The following SELENOO variants were observed in gnomAD, a reference collection of about 807,000 sequenced individuals.
SELENOO encodes the protein protein adenylyltransferase SelO, mitochondrial.
Under a neutral mutation model 58.7 loss-of-function variants are expected in SELENOO, and 74 were observed. That is an observed-to-expected ratio of 1.26 (90% CI 1.04 to 1.53). The LOEUF is 1.53. Ranked by LOEUF, SELENOO falls within the 40% of genes most tolerant of loss-of-function variation. The pLI is 0.00. For missense variants in SELENOO, 1,149 were observed against 970.0 expected (o/e 1.18, Z -2.45); for synonymous variants, 543 against 453.2 (o/e 1.20, Z -2.52).
At chr22:50,202,390 C>T (rs1034867502) in intron 1 of SELENOO, among the ~76,000 whole-genome samples, 1 of 152,112 alleles carries the variant, frequency 6.6e-6, no homozygotes, top group South Asian at 2.1e-4. Flanking sequence ...TTCCTCACTC[C>T]CCCGTCTCCA....
chr22:50,211,438 A>G (rs1254128281), intron 5 of SELENOO, among the ~76,000 whole-genome samples: 4 of 152,150 alleles, frequency 2.6e-5, no homozygotes, highest in African/African-American at 4.8e-5. Flanking sequence ...TGTTGAACAG[A>G]AGGAGCTGAG....
chr22:50,211,080 C>G (rs2064368488), intron 5 of SELENOO, among the ~76,000 whole-genome samples, 169 bp downstream of exon 5: 1 of 152,174 alleles, frequency 6.6e-6, no homozygotes, highest in South Asian at 2.1e-4. Context: ...GAATCTAGGA[C>G]CTGCTGCGAG....
Position 50,217,140 on chromosome 22 carries a change from C to A in SELENOO, c.1845+12C>A. 1 of 1,611,794 alleles carries A rather than the reference C, an allele frequency of 6.2e-7. No individual in the cohort carries two copies. Among genetic ancestry groups the A allele is most frequent in the Non-Finnish European group, 8.5e-7 (1 of 1,178,922 alleles). ...GGGACTTCTCAGAGGCAAGCACACG[C>A]CTGTCCCTGTGGTCCCTGGGAGGGG... On this transcript the variant is annotated intron_variant, in intron 8 of 8. Coordinates refer to ENST00000380903, the MANE Select transcript of SELENOO (RefSeq NM_031454.2).
chr22:50,210,108 G>T (rs1342647164), intron 3 of SELENOO, 73 bp from the exon 4 acceptor site: 5 of 1,552,200 alleles, frequency 3.2e-6, no homozygotes, highest in Non-Finnish European at 4.4e-6. Flanking sequence ...TTTCAGGGAG[G>T]GGAAGGATGG....
intron 5 of SELENOO, among the ~76,000 whole-genome samples, chr22:50,212,873 A>G (rs1033447953): frequency 6.6e-6 from 1 of 151,000 alleles, no homozygotes; most frequent in Admixed American, 6.6e-5. Flanking sequence ...ATCTTCGTGT[A>G]AGTGGAGTTA....
chr22:50,206,274 C>T (rs1326267068), intron 1 of SELENOO, 43 bp from the exon 2 acceptor site: 1 of 1,566,184 alleles, frequency 6.4e-7, no homozygotes, highest in Non-Finnish European at 8.8e-7. Flanking sequence ...TGTTGGGTGA[C>T]CTCCTGACCG....
intron 1 of SELENOO, among the ~76,000 whole-genome samples, chr22:50,204,028 G>A (rs1171458992): frequency 6.6e-6 from 1 of 152,220 alleles, no homozygotes; most frequent in Non-Finnish European, 1.5e-5. Context: ...ACAAGTATTT[G>A]AATAGACATT....
chr22:50,201,308 G>A lies in SELENOO; in HGVS notation c.272G>A (p.Arg91Gln), dbSNP rs1305941046. ...CFTRVQPTPL[R>Q]QPRLVALSEP... ...ACCCGCGTGCAGCCCACCCCGCTGC[G>A]GCAGCCGCGCCTCGTGGCGCTGTCA... The change falls in exon 1 of 9, where the codon CGG becomes CAG. Residue 91 changes from arginine (R) to glutamine (Q), a missense_variant. By Grantham distance (43) the Arg-to-Gln change is conservative (BLOSUM62 1). Transcript: ENST00000380903. The A allele has an allele frequency of 1.8e-6, 2 of 1,116,194 alleles. No homozygotes were observed. The highest frequency in any genetic ancestry group is 3.3e-5 in the African/African-American group (2 of 59,860). 69.1% of individuals were successfully genotyped at this position (1,116,194 alleles called of 1,614,324 possible). A position where few individuals can be genotyped will look rare whatever the true frequency, so the allele number is the denominator to read the frequency against.
At chr22:50,206,136 C>G (rs2064331354) in intron 1 of SELENOO, 181 bp from the exon 2 acceptor site, 1 of 606,360 alleles carries the variant, frequency 1.6e-6, no homozygotes, top group African/African-American at 1.9e-5. Context: ...TGTGAGGTTG[C>G]TGGAACTGGG....
chr22:50,216,247 T>G (rs949509361), intron 6 of SELENOO, among the ~76,000 whole-genome samples: 1 of 152,202 alleles, frequency 6.6e-6, no homozygotes, highest in Non-Finnish European at 1.5e-5. Flanking sequence ...TGGAAAATAT[T>G]GTTGCTTTAA....
At chr22:50,215,458 T>C (rs2064398956) in intron 5 of SELENOO, among the ~76,000 whole-genome samples, 1 of 148,776 alleles carries the variant, frequency 6.7e-6, no homozygotes, top group South Asian at 2.2e-4. Context: ...TGTGGGTCTC[T>C]GTGGCATGCG....
Position 50,206,181 on chromosome 22 carries a change from C to T in SELENOO, c.555-136C>T, listed in dbSNP as rs2064331555. ...AGGCTCACAAGGCACCTGATGTCAC[C>T]TGGGACGGGCGGTTTTCAGGGACGT... On this transcript the variant is annotated intron_variant, in intron 1 of 8. Transcript: ENST00000380903. 4.3e-6 allele frequency: 3 copies of T among 702,542 alleles called. No individual in the cohort carries two copies. In the South Asian group the frequency reaches 5.3e-5, roughly 12 times the overall value. The allele number at this position is 702,542 out of a possible 1,614,324, so 43.5% of individuals were successfully genotyped here.
rs2064384236 is a variant in SELENOO, at chr22:50,213,266, G to A, written c.1351+2355G>A. Among the ~76,000 whole-genome samples, 4 of 152,114 alleles carry A rather than the reference G, an allele frequency of 2.6e-5. 1 individual carries two copies. Among genetic ancestry groups the A allele is most frequent in the Middle Eastern group, 3.2e-3 (1 of 316 alleles). On this transcript the variant is annotated intron_variant, in intron 5 of 8. Coordinates refer to ENST00000380903, the MANE Select transcript of SELENOO (RefSeq NM_031454.2). ...AGGAGAGATGGGGCTTCACCATGTT[G>A]GCCAGGCTGGTCTCCAACACCTGAT...
chr22:50,206,066 G>A (rs754377365), intron 1 of SELENOO: 10 of 566,240 alleles, frequency 1.8e-5, no homozygotes, highest in Admixed American at 6.2e-5. Context: ...GCAGGAAGAC[G>A]GGCTGCTGCG....
chr22:50,210,530 C>T, intron 4 of SELENOO, 101 bp from the exon 5 acceptor site: 1 of 1,549,158 alleles, frequency 6.5e-7, no homozygotes, highest in Non-Finnish European at 8.8e-7. Flanking sequence ...AGAGCCACGG[C>T]CACTTGGGAC....
intron 2 of SELENOO, among the ~76,000 whole-genome samples, chr22:50,206,809 C>T (rs938431008): frequency 2.0e-5 from 3 of 152,164 alleles, no homozygotes; most frequent in African/African-American, 7.2e-5. Flanking sequence ...AGAGATGGCC[C>T]TGCGGGAGCT....
intron 3 of SELENOO, 197 bp downstream of exon 3, chr22:50,208,913 C>G: frequency 9.2e-6 from 4 of 433,418 alleles, no homozygotes; most frequent in Non-Finnish European, 1.7e-5. Context: ...CCCTGGGCTC[C>G]GTGGTGTTGG....
chr22:50,205,063 G>T (rs1463945555), intron 1 of SELENOO, among the ~76,000 whole-genome samples: 7 of 74,132 alleles, frequency 9.4e-5, no homozygotes, highest in East Asian at 3.4e-4. Context: ...AAAGTAGAAT[G>T]GTGGGTCCCA....
At chr22:50,216,666 C>G in intron 6 of SELENOO, 25 bp from the exon 7 acceptor site, 1 of 1,558,614 alleles carries the variant, frequency 6.4e-7, no homozygotes, top group African/African-American at 1.4e-5. Context: ...GGGGCTACCT[C>G]CCAGACACCC....
Sources: gnomAD v4.1 joint callset for allele counts (sites outside exome capture counted in the v4.1 genomes callset) on GRCh38, gnomAD v4.1.1 for gene constraint, MANE v1.5 for transcripts, NCBI Gene and HGNC (gene_info 2026-07-23, HGNC 2026-07-21) for gene names.